The following NEK2 variants were observed in gnomAD, a reference collection of about 807,000 sequenced individuals.
The protein encoded by NEK2 is serine/threonine-protein kinase Nek2.
NEK2 carries 28 observed loss-of-function variants against 54.1 expected under a neutral mutation model. The ratio of observed to expected loss-of-function variants is 0.52; its 90% CI spans 0.38 to 0.71. The LOEUF (loss-of-function observed/expected upper bound fraction) is 0.71, where lower values mean the gene tolerates loss of function less well. NEK2 is among the 30% of genes least tolerant of loss of function. The pLI is 0.00. For missense variants in NEK2, 407 were observed against 531.5 expected, an observed-to-expected ratio of 0.77 and a Z score of 2.30; for synonymous variants, 176 against 193.1, an observed-to-expected ratio of 0.91 and a Z score of 0.73.
intron 7 of NEK2, among the ~76,000 whole-genome samples, chr1:211,666,173 T>A (rs754498831): frequency 1.1e-4 from 16 of 152,182 alleles, no homozygotes; most frequent in Non-Finnish European, 1.9e-4. Context: ...CACATCTCAG[T>A]GCGGCAGAGT....
intron 1 of NEK2, among the ~76,000 whole-genome samples, 158 bp from the exon 2 acceptor site, chr1:211,674,671 C>A (rs1235881654): frequency 6.6e-6 from 1 of 152,196 alleles, no homozygotes; most frequent in Non-Finnish European, 1.5e-5. Context: ...TGTGAGTTTA[C>A]TTCCATAATC....
At chr1:211,670,687 T>C (rs531474856) in intron 4 of NEK2, among the ~76,000 whole-genome samples, 13 of 152,320 alleles carry the variant, frequency 8.5e-5, no homozygotes, top group African/African-American at 3.1e-4. Context: ...TCCCCAGCTG[T>C]GATAACTAAA....
In NEK2 at chr1:211,673,796, C is replaced by A. The variant is rs2102447529; in HGVS notation, c.315-73G>T. The A allele has an allele frequency of 2.1e-6, 3 of 1,437,820 alleles. No individual in the cohort carries two copies. In the East Asian group the frequency reaches 6.9e-5, roughly 33 times the overall value. The allele number at this position is 1,437,820 out of a possible 1,614,324, so 89.1% of individuals were successfully genotyped here. A position where few individuals can be genotyped will look rare whatever the true frequency, so the allele number is the denominator to read the frequency against. ...GCCAAGATGGGATGATATAAATTATCCAGTGTACAAATAGGGAATTTATTT... is the reference window on the plus strand; with the variant it reads ...GCCAAGATGGGATGATATAAATTATACAGTGTACAAATAGGGAATTTATTT... On this transcript the variant is annotated intron_variant, in intron 2 of 7. Coordinates refer to ENST00000366999, the MANE Select transcript of NEK2 (RefSeq NM_002497.4).
rs771161304 is a variant in NEK2, at chr1:211,675,512, C to T, written c.-33G>A. The T allele has an allele frequency of 1.9e-6, 3 of 1,584,098 alleles. No homozygotes were observed. The highest frequency in any genetic ancestry group is 1.1e-5 in the South Asian group (1 of 90,370). On this transcript the variant is annotated 5_prime_UTR_variant, in exon 1 of 8. In the 5' UTR this introduces an upstream ATG that the reference lacks. Transcript: ENST00000366999. ...CAGTCGCCAGAGTCGCGCTGCCTCA[C>T]GCAGGTTGCGCCGCCAAGTGCGGAG...
downstream of NEK2, chr1:211,660,861 A>G (rs1655002657): frequency 2.8e-6 from 2 of 718,286 alleles, no homozygotes; most frequent in Admixed American, 1.8e-5. Flanking sequence ...GAAGCATAGC[A>G]TCATTGACAG....
chr1:211,670,184 C>T (rs368927144), intron 5 of NEK2, 97 bp downstream of exon 5: 7 of 1,219,648 alleles, frequency 5.7e-6, no homozygotes, highest in South Asian at 3.4e-5. Context: ...GTATATTTAA[C>T]GTTTCTTCAG....
chr1:211,663,638 G>C lies in NEK2; in HGVS notation c.1126C>G (p.Pro376Ala). ...ACTTTCTTCTTAATTACTGAGGATG[G>C]AAGATTAAGAAGTTCTTTAGAAGGA... is the stretch of plus-strand genomic sequence containing the variant. Reference protein sequence around the residue: ...LASNPELLNLPSSVIKKKVHF... With the variant: ...LASNPELLNLASSVIKKKVHF... The change falls in exon 8 of 8, where the codon CCA becomes GCA. Residue 376 changes from proline (P) to alanine (A), a missense_variant. Coordinates refer to ENST00000366999, the MANE Select transcript of NEK2 (RefSeq NM_002497.4). 6.2e-7 allele frequency: 1 copy of C among 1,613,438 alleles called. No individual in the cohort carries two copies. The highest frequency in any genetic ancestry group is 8.5e-7 in the Non-Finnish European group (1 of 1,179,702).
Position 211,663,626 on chromosome 1 carries a change from T to A in NEK2, c.1138A>T (p.Ile380Phe), listed in dbSNP as rs1655083335. The A allele has an allele frequency of 6.2e-7, 1 of 1,613,604 alleles. No individual in the cohort carries two copies. Among genetic ancestry groups the A allele is most frequent in the Admixed American group, 1.7e-5 (1 of 59,998 alleles). Residue 380 changes from isoleucine (I) to phenylalanine (F), a missense_variant, in exon 8 of 8, where the codon ATT (isoleucine) becomes TTT (phenylalanine). Coordinates refer to ENST00000366999, the MANE Select transcript of NEK2 (RefSeq NM_002497.4). ...CCACTGAAATGAACTTTCTTCTTAATTACTGAGGATGGAAGATTAAGAAGT... is the reference window on the plus strand; with the variant it reads ...CCACTGAAATGAACTTTCTTCTTAAATACTGAGGATGGAAGATTAAGAAGT... Reference protein sequence around the residue: ...PELLNLPSSVIKKKVHFSGES... With the variant: ...PELLNLPSSVFKKKVHFSGES...
downstream of NEK2, chr1:211,660,246 G>T (rs1271010538): frequency 1.7e-5 from 6 of 360,644 alleles, no homozygotes; most frequent in Non-Finnish European, 3.4e-5. Flanking sequence ...CTGGGAGCAG[G>T]GGCATTGCAT....
intron 2 of NEK2, 72 bp downstream of exon 2, chr1:211,674,224 C>A: frequency 7.8e-7 from 1 of 1,289,218 alleles, no homozygotes; most frequent in Non-Finnish European, 1.1e-6. Flanking sequence ...TATTACTGAT[C>A]CTAAAACAAG....
Position 211,670,275 on chromosome 1 carries a change from CT to C in NEK2, c.765+5del, listed in dbSNP as rs1423760833. ...AACAGACAATATATCATCTTATCAT[CT>C]TTACCTTTAAGTTTAACATCCTCGT... On this transcript the variant is annotated splice_donor_5th_base_variant and intron_variant, in intron 5 of 7. Coordinates refer to ENST00000366999, the MANE Select transcript of NEK2 (RefSeq NM_002497.4). 6.2e-7 allele frequency: 1 copy of C among 1,607,762 alleles called. No individual in the cohort carries two copies. Among genetic ancestry groups the C allele is most frequent in the Non-Finnish European group, 8.5e-7 (1 of 1,177,002 alleles).
At chr1:211,660,910 T>C (rs948653455), downstream of NEK2, 18 of 737,718 alleles carry the variant, frequency 2.4e-5, no homozygotes, top group Non-Finnish European at 4.3e-5. Flanking sequence ...CCAGCAGATC[T>C]GTCCCCAGTG....
chr1:211,669,542 A>G, intron 5 of NEK2: 1 of 562,054 alleles, frequency 1.8e-6, no homozygotes, highest in South Asian at 2.2e-5. Context: ...ATGTTAACTT[A>G]CCTTTTTTCC....
At chr1:211,663,940 T>C (rs751650251) in intron 7 of NEK2, among the ~76,000 whole-genome samples, 4 of 152,228 alleles carry the variant, frequency 2.6e-5, no homozygotes, top group Non-Finnish European at 5.9e-5. Flanking sequence ...CTGAGTATTA[T>C]GGACAACATA....
At chr1:211,665,823 C>G (rs1209871737) in intron 7 of NEK2, among the ~76,000 whole-genome samples, 1 of 152,148 alleles carries the variant, frequency 6.6e-6, no homozygotes, top group African/African-American at 2.4e-5. Flanking sequence ...ATCAATCTAA[C>G]TTAAGTAGGG....
intron 7 of NEK2, chr1:211,666,393 C>G: frequency 1.6e-6 from 1 of 635,506 alleles, no homozygotes. Flanking sequence ...TTAAGCCATG[C>G]TTTCTATGAA....
chr1:211,660,629 T>C (rs577642324), downstream of NEK2: 45 of 647,088 alleles, frequency 7.0e-5, no homozygotes, highest in Non-Finnish European at 1.3e-4. Flanking sequence ...GCTGCAGCTA[T>C]AGGAAGGTAG....
At chr1:211,661,098 T>C (rs1655007714), downstream of NEK2, 4 of 746,248 alleles carry the variant, frequency 5.4e-6, no homozygotes, top group Non-Finnish European at 1.0e-5. Flanking sequence ...TCCGATGGCA[T>C]TGTACTCCAG....
downstream of NEK2, among the ~76,000 whole-genome samples, chr1:211,659,350 G>A (rs1654961116): frequency 6.6e-6 from 1 of 152,174 alleles, no homozygotes; most frequent in Non-Finnish European, 1.5e-5. Context: ...TTAAAGTCTT[G>A]CATCATGAGG....
Sources: gnomAD v4.1 joint callset for allele counts (sites outside exome capture counted in the v4.1 genomes callset) on GRCh38, gnomAD v4.1.1 for gene constraint, MANE v1.5 for transcripts, NCBI Gene and HGNC (gene_info 2026-07-23, HGNC 2026-07-21) for gene names.